Variants in ROBO1 observed in about 807,000 individuals in gnomAD.
ROBO1 encodes roundabout guidance receptor 1, also known as roundabout homolog 1.
In ROBO1, 149 loss-of-function variants were observed where a neutral mutation model predicts 195.9. The observed-to-expected ratio is 0.76, with a 90% CI of 0.67 to 0.87. The LOEUF is 0.87. Ranked by LOEUF, ROBO1 falls within the 40% of genes least tolerant of loss-of-function variation. ROBO1 has a pLI of 0.00. For missense variants in ROBO1, 1,933 were observed against 2,068.3 expected (o/e 0.93, Z 1.27); for synonymous variants, 816 against 733.2 (o/e 1.11, Z -1.82).
chr3:79,559,016 T>G (rs914616550), intron 2 of ROBO1, among the ~76,000 whole-genome samples: 1 of 152,162 alleles, frequency 6.6e-6, no homozygotes, highest in Non-Finnish European at 1.5e-5. Context: ...TAACGTAGTA[T>G]GTAAACAAGC....
intron 2 of ROBO1, among the ~76,000 whole-genome samples, chr3:79,456,567 C>A (rs2039626040): frequency 6.6e-6 from 1 of 152,072 alleles, no homozygotes; most frequent in East Asian, 1.9e-4. Context: ...GAGTTGATTG[C>A]TGTACAAAGT....
chr3:78,891,291 G>C (rs1334501072), intron 4 of ROBO1, among the ~76,000 whole-genome samples: 1 of 152,110 alleles, frequency 6.6e-6, no homozygotes, highest in Non-Finnish European at 1.5e-5. Context: ...ACAACCTTCG[G>C]AGAAGGAAAA....
intron 3 of ROBO1, among the ~76,000 whole-genome samples, chr3:79,096,752 G>A (rs1348477781): frequency 6.7e-6 from 1 of 150,004 alleles, no homozygotes; most frequent in Non-Finnish European, 1.5e-5. Flanking sequence ...GTGTGTGTAT[G>A]TATATGTATA....
intron 1 of ROBO1, among the ~76,000 whole-genome samples, chr3:79,718,433 C>T (rs1021519012): frequency 2.6e-5 from 4 of 151,764 alleles, no homozygotes; most frequent in African/African-American, 9.7e-5. Context: ...TTAAATTGTG[C>T]CAGGGGATAA....
At chr3:78,880,657 G>T (rs556847161) in intron 4 of ROBO1, among the ~76,000 whole-genome samples, 36 of 152,146 alleles carry the variant, frequency 2.4e-4, no homozygotes, top group Non-Finnish European at 4.6e-4. Flanking sequence ...CAACCAGGCC[G>T]CTGCTCTTTG....
At chr3:79,502,265 G>T (rs1427595574) in intron 2 of ROBO1, among the ~76,000 whole-genome samples, 6 of 152,172 alleles carry the variant, frequency 3.9e-5, no homozygotes, top group Non-Finnish European at 7.4e-5. Context: ...AGGGAGATGC[G>T]CGGGCGGGAA....
At chr3:78,697,918 C>G (rs959404182) in intron 8 of ROBO1, among the ~76,000 whole-genome samples, 1 of 151,996 alleles carries the variant, frequency 6.6e-6, no homozygotes, top group African/African-American at 2.4e-5. Flanking sequence ...TATCAGAGAA[C>G]AGCTGCTTTT....
chr3:79,104,662 A>G (rs1016667342), intron 3 of ROBO1, among the ~76,000 whole-genome samples: 5 of 151,690 alleles, frequency 3.3e-5, no homozygotes, highest in African/African-American at 1.2e-4. Flanking sequence ...GGTACTATTC[A>G]TATCATCCTG....
chr3:78,668,623 A>C, intron 11 of ROBO1, 58 bp from the exon 12 acceptor site: 1 of 1,527,364 alleles, frequency 6.5e-7, no homozygotes, highest in Non-Finnish European at 9.0e-7. Context: ...CTGGGCTGGA[A>C]AAGCAATTAC....
intron 1 of ROBO1, among the ~76,000 whole-genome samples, chr3:79,729,698 T>C (rs945200512): frequency 2.0e-5 from 3 of 152,180 alleles, no homozygotes; most frequent in Admixed American, 1.3e-4. Context: ...AGTTTTATTA[T>C]ATGAGGGAAG....
chr3:79,346,444 C>G (rs576869273), intron 2 of ROBO1, among the ~76,000 whole-genome samples: 1 of 152,088 alleles, frequency 6.6e-6, no homozygotes, highest in African/African-American at 2.4e-5. Flanking sequence ...CTTAAACATA[C>G]AGGCTGACTC....
At chr3:79,095,678 A>AT (rs2079554044) in intron 3 of ROBO1, among the ~76,000 whole-genome samples, 1 of 152,064 alleles carries the variant, frequency 6.6e-6, no homozygotes, top group Admixed American at 6.6e-5. Context: ...TTTGGGGTTA[A>AT]TTTTTTGCAC....
chr3:78,857,104 G>GAC (rs1304982207), intron 4 of ROBO1, among the ~76,000 whole-genome samples: 41 of 152,144 alleles, frequency 2.7e-4, no homozygotes, highest in African/African-American at 9.2e-4. Flanking sequence ...TATTATTTAT[G>GAC]ACATTTATTC....
rs200577084 is a variant in ROBO1, at chr3:79,544,016, T to C, written c.88+45808A>G. ...GCATGGTAATTTCACACCATAAAAG[T>C]GACACCCTGGGGTACAGGCTGCATT... is the stretch of plus-strand genomic sequence containing the variant. On this transcript the variant is annotated intron_variant, in intron 2 of 30. Transcript: ENST00000464233. Among the ~76,000 whole-genome samples, 30 of 152,214 alleles carry C rather than the reference T, an allele frequency of 2.0e-4. No individual in the cohort carries two copies. In the East Asian group the frequency reaches 5.2e-3, roughly 26 times the overall value.
intron 22 of ROBO1, among the ~76,000 whole-genome samples, chr3:78,638,237 G>GTATACACATATACATA (rs1705669288): frequency 7.3e-6 from 1 of 136,744 alleles, no homozygotes; most frequent in Non-Finnish European, 1.6e-5. Context: ...ATATATGTAT[G>GTATACACATATACATA]TGTGTATACA....
intron 3 of ROBO1, among the ~76,000 whole-genome samples, chr3:79,057,049 G>T (rs561904909): frequency 3.4e-4 from 51 of 151,958 alleles, no homozygotes; most frequent in African/African-American, 1.2e-3. Flanking sequence ...GGCATTTTTG[G>T]CAATAATTAT....
At chr3:78,609,335 C>T (rs1280904129) in intron 28 of ROBO1, among the ~76,000 whole-genome samples, 1 of 152,106 alleles carries the variant, frequency 6.6e-6, no homozygotes, top group Non-Finnish European at 1.5e-5. Flanking sequence ...TTCTATAGAT[C>T]ATTCCTGAAG....
At chr3:79,224,674 T>C (rs183692058) in intron 2 of ROBO1, among the ~76,000 whole-genome samples, 7 of 152,220 alleles carry the variant, frequency 4.6e-5, no homozygotes. Flanking sequence ...TTTTGTAACT[T>C]CTTTTTTGGA....
At chr3:79,081,624 G>A (rs2079276657) in intron 3 of ROBO1, among the ~76,000 whole-genome samples, 1 of 152,062 alleles carries the variant, frequency 6.6e-6, no homozygotes, top group Non-Finnish European at 1.5e-5. Flanking sequence ...GGCTTTCCTC[G>A]GAAAAGCCCA....
Sources: allele counts gnomAD v4.1 joint callset (sites outside exome capture counted in the v4.1 genomes callset), GRCh38; gene constraint gnomAD v4.1.1; transcripts MANE v1.5; gene names NCBI Gene and HGNC (gene_info 2026-07-23, HGNC 2026-07-21).